The following GNG10 variants were observed in gnomAD, a reference collection of about 807,000 sequenced individuals.
GNG10 encodes G protein subunit gamma 10, also known as guanine nucleotide-binding protein G(I)/G(S)/G(O) subunit gamma-10.
GNG10 carries 7 observed loss-of-function variants against 6.8 expected under a neutral mutation model. The ratio of observed to expected loss-of-function variants is 1.02; its 90% CI spans 0.58 to 1.92. The LOEUF is 1.92. GNG10 is among the 30% of genes most tolerant of loss of function. The pLI is 0.00. For missense variants in GNG10, 57 were observed against 86.1 expected, an observed-to-expected ratio of 0.66 and a Z score of 1.34; for synonymous variants, 28 against 34.8, an observed-to-expected ratio of 0.80 and a Z score of 0.69.
chr9:111,666,551 A>G (rs1885500), intron 1 of GNG10, among the ~76,000 whole-genome samples: 7,975 of 152,338 alleles, frequency 0.052, 271 homozygotes, highest in Middle Eastern at 0.13. Flanking sequence ...TCTCAAAACT[A>G]GATTTCTAAA....
chr9:111,668,808 T>C (rs760457419), intron 2 of GNG10, among the ~76,000 whole-genome samples: 16 of 151,122 alleles, frequency 1.1e-4, no homozygotes, highest in Non-Finnish European at 1.8e-4. Flanking sequence ...TCATGGGTGC[T>C]GCTCATTCAG....
intron 1 of GNG10, among the ~76,000 whole-genome samples, chr9:111,664,212 C>A (rs112628911): frequency 6.6e-6 from 1 of 152,072 alleles, no homozygotes; most frequent in Non-Finnish European, 1.5e-5. Context: ...TGCCTGAGCT[C>A]GCAGTAAGCT....
chr9:111,664,962 G>C (rs1469770775), intron 1 of GNG10, among the ~76,000 whole-genome samples: 1 of 152,142 alleles, frequency 6.6e-6, no homozygotes, highest in African/African-American at 2.4e-5. Flanking sequence ...AGCTTCTATT[G>C]AGAGCAAAAG....
At chr9:111,663,924 G>T (rs533884479) in intron 1 of GNG10, among the ~76,000 whole-genome samples, 1 of 151,386 alleles carries the variant, frequency 6.6e-6, no homozygotes, top group African/African-American at 2.4e-5. Flanking sequence ...AGGTTCAAGC[G>T]ATTCTCCTGC....
At chr9:111,662,280 G>T (rs1330793757) in intron 1 of GNG10, among the ~76,000 whole-genome samples, 1 of 152,072 alleles carries the variant, frequency 6.6e-6, no homozygotes, top group Non-Finnish European at 1.5e-5. Flanking sequence ...GAAGCTCAGC[G>T]CCCAGGGCTG....
Position 111,666,881 on chromosome 9 carries a change from G to T in GNG10, c.148G>T (p.Val50Leu), listed in dbSNP as rs1354456540. The T allele has an allele frequency of 1.2e-6, 2 of 1,613,858 alleles. No individual in the cohort carries two copies. The highest frequency in any genetic ancestry group is 1.7e-6 in the Non-Finnish European group (2 of 1,179,914). ...GAATGCCTGCAAGGATGCCCTGCTGGTGGGTGTTCCAGCTGGAAGTAACCC... is the reference window on the plus strand; with the variant it reads ...GAATGCCTGCAAGGATGCCCTGCTGTTGGGTGTTCCAGCTGGAAGTAACCC... ...MQNACKDALL[V>L]GVPAGSNPFR... The change falls in exon 2 of 3, where the codon GTG becomes TTG. Residue 50 changes from valine to leucine, a missense_variant. Transcript: ENST00000374293.
At chr9:111,667,856 A>G (rs62569922) in intron 2 of GNG10, among the ~76,000 whole-genome samples, 8,306 of 152,038 alleles carry the variant, frequency 0.055, 378 homozygotes, top group South Asian at 0.17. Context: ...CATTTTCACA[A>G]TGTGTTTCCC....
chr9:111,665,073 T>A (rs1438274632), intron 1 of GNG10, among the ~76,000 whole-genome samples: 1 of 152,210 alleles, frequency 6.6e-6, no homozygotes, highest in Non-Finnish European at 1.5e-5. Flanking sequence ...TTCCTGGAGC[T>A]GTCCAGAAAC....
chr9:111,662,711 C>T (rs1173541422), intron 1 of GNG10, among the ~76,000 whole-genome samples: 1 of 152,106 alleles, frequency 6.6e-6, no homozygotes, highest in Non-Finnish European at 1.5e-5. Flanking sequence ...TAAACAGCAA[C>T]TTAACGGATA....
chr9:111,666,353 C>A (rs1377164403), intron 1 of GNG10, among the ~76,000 whole-genome samples: 1 of 152,142 alleles, frequency 6.6e-6, no homozygotes, highest in Admixed American at 6.5e-5. Flanking sequence ...AAATAATAAG[C>A]TATACCGCCT....
At chr9:111,668,291 A>C (rs1424444528) in intron 2 of GNG10, among the ~76,000 whole-genome samples, 1 of 152,190 alleles carries the variant, frequency 6.6e-6, no homozygotes, top group Non-Finnish European at 1.5e-5. Flanking sequence ...TAGCAAAAGG[A>C]AATTGTTCAC....
In GNG10 at chr9:111,661,640, C is replaced by T. The variant is rs1830818547; in HGVS notation, c.6C>T (p.Ser2=). 4 of 1,346,990 alleles carry T rather than the reference C, an allele frequency of 3.0e-6. No homozygotes were observed. Among genetic ancestry groups the T allele is most frequent in the Admixed American group, 2.6e-5 (1 of 38,588 alleles). The allele number at this position is 1,346,990 out of a possible 1,614,324, so 83.4% of individuals were successfully genotyped here. M[S]SGASASALQR... is the part of the protein sequence containing the mutation. ...AGGAGCCCAGCGCCGCCGCCATGTC[C>T]TCCGGGGCTAGCGCGAGCGCCCTGC... The change falls in exon 1 of 3, where the codon TCC becomes TCT. Residue 2 remains serine (S), a synonymous_variant. Transcript: ENST00000374293. This position sits in a 1 kb window ranked among gnomAD's most constrained non-coding sequence, Gnocchi z 6.1.
Position 111,661,945 on chromosome 9 carries a change from G to T in GNG10, c.81+230G>T, listed in dbSNP as rs1031453723. Among the ~76,000 whole-genome samples, 15 of 151,928 alleles carry T rather than the reference G, an allele frequency of 9.9e-5. No homozygotes were observed. Among genetic ancestry groups the T allele is most frequent in the Non-Finnish European group, 1.8e-4 (12 of 67,926 alleles). On this transcript the variant is annotated intron_variant, in intron 1 of 2. Coordinates refer to ENST00000374293, the MANE Select transcript of GNG10 (RefSeq NM_001017998.4). This position sits in a 1 kb window ranked among gnomAD's most constrained non-coding sequence, Gnocchi z 6.1. ...GGGCCCCGCGGTCGTGGTCGGTCCC[G>T]GTCCCTGGGGGTGCGCCCACTCCAG...
chr9:111,662,209 G>A (rs1830832436), intron 1 of GNG10, among the ~76,000 whole-genome samples: 1 of 152,148 alleles, frequency 6.6e-6, no homozygotes, highest in Non-Finnish European at 1.5e-5. Context: ...GAAATGATGA[G>A]TTCGGCTGCG....
chr9:111,661,802 G>A lies in GNG10; in HGVS notation c.81+87G>A, dbSNP rs1301464664. 1.7e-5 allele frequency: 13 copies of A among 765,734 alleles called. No homozygotes were observed. Among genetic ancestry groups the A allele is most frequent in the Non-Finnish European group, 2.2e-5 (13 of 580,042 alleles). The allele number at this position is 765,734 out of a possible 1,614,324, so 47.4% of individuals were successfully genotyped here. A position where few individuals can be genotyped will look rare whatever the true frequency, so the allele number is the denominator to read the frequency against. On this transcript the variant is annotated intron_variant, in intron 1 of 2. Coordinates refer to ENST00000374293, the MANE Select transcript of GNG10 (RefSeq NM_001017998.4). The surrounding 1 kb of genome is among the most constrained non-coding windows in gnomAD (Gnocchi z 6.1). Reference sequence around the variant, plus strand: ...CGGCGGCCCGGACCGGGCGCCAGCGGGGGACTCGGTGGCGGCGGCGAGGCC... The same window carrying A: ...CGGCGGCCCGGACCGGGCGCCAGCGAGGGACTCGGTGGCGGCGGCGAGGCC...
At chr9:111,663,688 G>A (rs568875772) in intron 1 of GNG10, among the ~76,000 whole-genome samples, 62 of 152,242 alleles carry the variant, frequency 4.1e-4, no homozygotes, top group Non-Finnish European at 7.3e-4. Context: ...TTGAGGGGAA[G>A]AAGTCAGGGA....
Position 111,666,870 on chromosome 9 carries a change from A to G in GNG10, c.137A>G (p.Asp46Gly). The G allele has an allele frequency of 1.2e-6, 2 of 1,613,906 alleles. No individual in the cohort carries two copies. Among genetic ancestry groups the G allele is most frequent in the South Asian group, 1.1e-5 (1 of 91,072 alleles). ...TACTGTATGCAGAATGCCTGCAAGGATGCCCTGCTGGTGGGTGTTCCAGCT... is the reference window on the plus strand; with the variant it reads ...TACTGTATGCAGAATGCCTGCAAGGGTGCCCTGCTGGTGGGTGTTCCAGCT... ...QQYCMQNACKDALLVGVPAGS... is the reference protein window; with the variant it reads ...QQYCMQNACKGALLVGVPAGS... The change falls in exon 2 of 3, where the codon GAT (aspartate) becomes GGT (glycine). Residue 46 changes from aspartate (D) to glycine (G), a missense_variant. By Grantham distance (94) the Asp-to-Gly change is moderately conservative. Transcript: ENST00000374293.
At position 111,661,726 on chromosome 9, in the gene GNG10, C is replaced by G. The variant is rs1394644858; in HGVS notation, c.81+11C>G. Reference sequence around the variant, plus strand: ...GTGGAGAGGATCAAGGTGCGGGCCCCGGGTACCCACGCTCCGGTCCTTCCG... The same window carrying G: ...GTGGAGAGGATCAAGGTGCGGGCCCGGGGTACCCACGCTCCGGTCCTTCCG... On this transcript the variant is annotated intron_variant, in intron 1 of 2. Coordinates refer to ENST00000374293, the MANE Select transcript of GNG10 (RefSeq NM_001017998.4). The surrounding 1 kb of genome is among the most constrained non-coding windows in gnomAD (Gnocchi z 6.1). 7.6e-7 allele frequency: 1 copy of G among 1,323,856 alleles called. No homozygotes were observed. Among genetic ancestry groups the G allele is most frequent in the Admixed American group, 2.6e-5 (1 of 38,976 alleles). 82.0% of individuals were successfully genotyped at this position (1,323,856 alleles called of 1,614,324 possible). A position where few individuals can be genotyped will look rare whatever the true frequency, so the allele number is the denominator to read the frequency against.
rs745327624 is a variant in GNG10 at position 111,661,660 on chromosome 9, C to T, written c.26C>T (p.Ala9Val). 1.5e-6 allele frequency: 2 copies of T among 1,376,590 alleles called. No homozygotes were observed. The highest frequency in any genetic ancestry group is 4.9e-5 in the Admixed American group (2 of 40,996). The allele number at this position is 1,376,590 out of a possible 1,614,324, so 85.3% of individuals were successfully genotyped here. MSSGASAS[A>V]LQRLVEQLKL... ...ATGTCCTCCGGGGCTAGCGCGAGCG[C>T]CCTGCAGCGCTTGGTAGAGCAGCTC... The change falls in exon 1 of 3, where the codon GCC becomes GTC. Residue 9 changes from alanine (A) to valine (V), a missense_variant. Physicochemically the swap from Ala to Val is moderately conservative, Grantham distance 64. Coordinates refer to ENST00000374293, the MANE Select transcript of GNG10 (RefSeq NM_001017998.4). The surrounding 1 kb of genome is among the most constrained non-coding windows in gnomAD (Gnocchi z 6.1).
Sources: allele counts gnomAD v4.1 joint callset (sites outside exome capture counted in the v4.1 genomes callset), GRCh38; gene constraint gnomAD v4.1.1; non-coding constraint Gnocchi (gnomAD v3.1); transcripts MANE v1.5; gene names NCBI Gene and HGNC (gene_info 2026-07-23, HGNC 2026-07-21).